Variants in RFC2 observed in about 807,000 individuals in gnomAD.
RFC2 encodes the protein A1 40 kDa subunit.
RFC2 carries 34 observed loss-of-function variants against 44.8 expected under a neutral mutation model. The ratio of observed to expected loss-of-function variants is 0.76; its 90% CI spans 0.58 to 1.01. RFC2 has a LOEUF of 1.01. Ranked by LOEUF, RFC2 falls within the 50% of genes least tolerant of loss-of-function variation. The pLI is 0.00. For synonymous variants in RFC2, 177 were observed against 168.9 expected (o/e 1.05, Z -0.37); for missense variants, 400 against 453.6 (o/e 0.88, Z 1.07).
At chr7:74,243,110 C>G (rs2116304874) in intron 6 of RFC2, 36 bp downstream of exon 6, 1 of 1,393,118 alleles carries the variant, frequency 7.2e-7, no homozygotes, top group Middle Eastern at 1.8e-4. Context: ...CAGTTGAGCA[C>G]CACGTGGCCC....
At chr7:74,240,502 CAAAAAAAAAAA>C (rs1216974808) in intron 6 of RFC2, among the ~76,000 whole-genome samples, 4 of 73,376 alleles carry the variant, frequency 5.5e-5, no homozygotes, top group African/African-American at 8.5e-5. Flanking sequence ...GCTGTGTCTC[CAAAAAAAAAAA>C]AAAAAAAAAG....
chr7:74,234,156 G>A (rs3135705), intron 10 of RFC2, among the ~76,000 whole-genome samples: 5,031 of 152,218 alleles, frequency 0.033, 286 homozygotes, highest in African/African-American at 0.11. Flanking sequence ...AAGTACCAGC[G>A]TGGACACATC....
chr7:74,240,141 C>T, intron 6 of RFC2, 46 bp from the exon 7 acceptor site: 1 of 1,563,436 alleles, frequency 6.4e-7, no homozygotes, highest in Non-Finnish European at 8.8e-7. Flanking sequence ...CAGAGGCCGG[C>T]ATCATCCTGC....
chr7:74,249,175 C>G (rs1563998868), intron 3 of RFC2, 57 bp from the exon 4 acceptor site: 1 of 1,610,812 alleles, frequency 6.2e-7, no homozygotes, highest in Non-Finnish European at 8.5e-7. Context: ...TCAGGTAGCT[C>G]TTGAGTTATG....
chr7:74,250,509 C>T (rs2116342023), intron 2 of RFC2, among the ~76,000 whole-genome samples: 1 of 152,262 alleles, frequency 6.6e-6, no homozygotes, highest in Admixed American at 6.5e-5. Flanking sequence ...ATGTTTCCCA[C>T]CATGGACTGT....
chr7:74,236,191 C>A (rs1803005393), intron 9 of RFC2, among the ~76,000 whole-genome samples: 1 of 152,112 alleles, frequency 6.6e-6, no homozygotes, highest in South Asian at 2.1e-4. Context: ...TTCCCACCCA[C>A]CCTGCCCCAC....
chr7:74,240,139 G>C, intron 6 of RFC2, 44 bp from the exon 7 acceptor site: 1 of 1,570,192 alleles, frequency 6.4e-7, no homozygotes, highest in Non-Finnish European at 8.7e-7. Flanking sequence ...TGCAGAGGCC[G>C]GCATCATCCT....
chr7:74,238,827 G>A lies in RFC2; in HGVS notation c.759+96C>T. ...CTGGCACCCACAAGAGCAGCTAGAT[G>A]TCCGTCCCCACTGCCAGCCCAGCCC... is the stretch of plus-strand genomic sequence containing the variant. On this transcript the variant is annotated intron_variant, in intron 8 of 10. Transcript: ENST00000055077. The surrounding 1 kb of genome is among the most constrained non-coding windows in gnomAD (Gnocchi z 4.0). 1.1e-6 allele frequency: 1 copy of A among 946,922 alleles called. No homozygotes were observed. The highest frequency in any genetic ancestry group is 2.4e-5 in the East Asian group (1 of 40,972). 58.7% of individuals were successfully genotyped at this position (946,922 alleles called of 1,614,324 possible). A position where few individuals can be genotyped will look rare whatever the true frequency, so the allele number is the denominator to read the frequency against.
chr7:74,251,939 TACA>T (rs1190772572), intron 2 of RFC2, among the ~76,000 whole-genome samples: 28 of 116,458 alleles, frequency 2.4e-4, no homozygotes, highest in South Asian at 5.4e-4. Flanking sequence ...CTACTAAAAA[TACA>T]AAAAAAATTA....
At chr7:74,248,887 A>G in intron 4 of RFC2, 125 bp downstream of exon 4, 1 of 683,090 alleles carries the variant, frequency 1.5e-6, no homozygotes, top group Non-Finnish European at 2.6e-6. Flanking sequence ...TTCACTGGGA[A>G]GGGGTGGAGG....
intron 10 of RFC2, among the ~76,000 whole-genome samples, chr7:74,232,969 T>A (rs1802808352): frequency 6.6e-6 from 1 of 151,576 alleles, no homozygotes; most frequent in Non-Finnish European, 1.5e-5. Context: ...AATCCCAGCA[T>A]TCTGGGAGGC....
rs371536892 is a variant in RFC2 at position 74,252,386 on chromosome 7, G to A, written c.183+43C>T. 1.2e-3 allele frequency: 1,341 copies of A among 1,108,972 alleles called. 3 individuals are homozygous for A. The highest frequency in any genetic ancestry group is 1.5e-3 in the Non-Finnish European group (1,124 of 745,364). The allele number at this position is 1,108,972 out of a possible 1,614,324, so 68.7% of individuals were successfully genotyped here. A position where few individuals can be genotyped will look rare whatever the true frequency, so the allele number is the denominator to read the frequency against. ...CGCACCACTGCACTCCAGCCTGGGC[G>A]ACAGAGCGAGACTCTGTCTCAAAAA... On this transcript the variant is annotated intron_variant, in intron 2 of 10. Transcript: ENST00000055077.
At chr7:74,251,218 A>G (rs1050510016) in intron 2 of RFC2, among the ~76,000 whole-genome samples, 1 of 152,032 alleles carries the variant, frequency 6.6e-6, no homozygotes, top group Admixed American at 6.6e-5. Flanking sequence ...TGGCGTGATC[A>G]TAGCTCACTG....
Position 74,248,992 on chromosome 7 carries a change from G to A in RFC2, c.332+20C>T. 1 of 1,571,528 alleles carries A rather than the reference G, an allele frequency of 6.4e-7. No homozygotes were observed. Among genetic ancestry groups the A allele is most frequent in the Non-Finnish European group, 8.8e-7 (1 of 1,142,062 alleles). ...AATGCAGAGCACCCGCCCCCCTACA[G>A]GTCTGACTCTAAGACCTACCTGTCA... On this transcript the variant is annotated intron_variant, in intron 4 of 10. Transcript: ENST00000055077.
At chr7:74,246,483 AGACAAATGTTTGT>A in intron 5 of RFC2, among the ~76,000 whole-genome samples, 166 bp downstream of exon 5, 1 of 152,166 alleles carries the variant, frequency 6.6e-6, no homozygotes, top group Non-Finnish European at 1.5e-5. Flanking sequence ...TGACTATCTT[AGACAAATGTTTGT>A]AAGTTACTTA....
At chr7:74,245,498 G>A (rs1803548680) in intron 5 of RFC2, among the ~76,000 whole-genome samples, 7 of 136,626 alleles carry the variant, frequency 5.1e-5, no homozygotes. Flanking sequence ...GGATCATGAG[G>A]CCAGGAGATC....
chr7:74,238,186 C>A lies in RFC2; in HGVS notation c.759+737G>T, dbSNP rs1422256236. 2.0e-5 allele frequency among the ~76,000 whole-genome samples: 3 copies of A among 152,116 alleles called. No homozygotes were observed. Among genetic ancestry groups the A allele is most frequent in the African/African-American group, 7.2e-5 (3 of 41,426 alleles). On this transcript the variant is annotated intron_variant, in intron 8 of 10. Coordinates refer to ENST00000055077, the MANE Select transcript of RFC2 (RefSeq NM_181471.3). The surrounding 1 kb of genome is among the most constrained non-coding windows in gnomAD (Gnocchi z 4.0). ...AGTGGCCTCGAAAATGCATTCACTGCCCAGATCTACCCAGATGCTTCAAAA... is the reference window on the plus strand; with the variant it reads ...AGTGGCCTCGAAAATGCATTCACTGACCAGATCTACCCAGATGCTTCAAAA...
intron 3 of RFC2, 93 bp downstream of exon 3, chr7:74,249,646 T>C (rs1803821002): frequency 2.8e-6 from 3 of 1,073,072 alleles, no homozygotes; most frequent in African/African-American, 1.6e-5. Flanking sequence ...GAAGGGGCTC[T>C]CCAGGGAGGC....
intron 9 of RFC2, among the ~76,000 whole-genome samples, chr7:74,235,847 AAG>A (rs1322507683): frequency 1.3e-5 from 2 of 151,994 alleles, no homozygotes; most frequent in East Asian, 3.9e-4. Flanking sequence ...ATATAAAGAT[AAG>A]AGTCTTGCTA....
Sources: gnomAD v4.1 joint callset for allele counts (sites outside exome capture counted in the v4.1 genomes callset) on GRCh38, gnomAD v4.1.1 for gene constraint, Gnocchi (gnomAD v3.1) non-coding constraint, MANE v1.5 for transcripts, NCBI Gene and HGNC (gene_info 2026-07-23, HGNC 2026-07-21) for gene names.